Variants in NOL10 observed in about 807,000 individuals in gnomAD.
The protein encoded by NOL10 is nucleolar protein 10, also known as H_NH0074G24.1.
NOL10 carries 58 observed loss-of-function variants against 103.5 expected under a neutral mutation model. That is an observed-to-expected ratio of 0.56 (90% CI 0.45 to 0.70). The LOEUF is 0.70. Ranked by LOEUF, NOL10 falls within the 30% of genes least tolerant of loss-of-function variation. The probability of loss-of-function intolerance (pLI) is 0.00; values close to 1 mark genes in which losing one functional copy is unlikely to be tolerated. For missense variants in NOL10, 763 were observed against 807.3 expected (o/e 0.95, Z 0.67); for synonymous variants, 287 against 282.5 (o/e 1.02, Z -0.16).
chr2:10,608,562 T>G (rs1468554100), intron 13 of NOL10, among the ~76,000 whole-genome samples: 1 of 152,150 alleles, frequency 6.6e-6, no homozygotes, highest in African/African-American at 2.4e-5. Flanking sequence ...GAACTTCCAG[T>G]GACGACTTAA....
chr2:10,673,550 G>C lies in NOL10; in HGVS notation c.297C>G (p.Thr99=). 2.5e-6 allele frequency: 4 copies of C among 1,591,692 alleles called. No individual in the cohort carries two copies. Among genetic ancestry groups the C allele is most frequent in the Non-Finnish European group, 3.4e-6 (4 of 1,166,938 alleles). Residue 99 remains threonine (T), a synonymous_variant, in exon 5 of 21, where the codon ACC becomes ACG. Coordinates refer to ENST00000381685, the MANE Select transcript of NOL10 (RefSeq NM_024894.4). The part of the protein sequence containing the change: ...FERCLDSEVV[T]FEILSDDYSK... ...AGTAGTCATCAGACAAAATTTCAAAGGTGACAACTGAAAAACAAGAAATAG... is the reference window on the plus strand; with the variant it reads ...AGTAGTCATCAGACAAAATTTCAAACGTGACAACTGAAAAACAAGAAATAG...
intron 4 of NOL10, among the ~76,000 whole-genome samples, chr2:10,674,156 T>G (rs1681135752): frequency 6.6e-6 from 1 of 151,734 alleles, no homozygotes; most frequent in Non-Finnish European, 1.5e-5. Flanking sequence ...TAGTTGAGGC[T>G]GCAGTGAGCT....
intron 8 of NOL10, among the ~76,000 whole-genome samples, chr2:10,664,585 A>T (rs565498861): frequency 6.6e-6 from 1 of 152,354 alleles, no homozygotes; most frequent in African/African-American, 2.4e-5. Context: ...TCAGTCGCCC[A>T]GCTGGAGTGC....
At chr2:10,638,987 G>T (rs1385916674) in intron 13 of NOL10, among the ~76,000 whole-genome samples, 1 of 151,136 alleles carries the variant, frequency 6.6e-6, no homozygotes, top group Non-Finnish European at 1.5e-5. Flanking sequence ...ACTTTCAGTA[G>T]AGATGGGGTT....
chr2:10,598,521 G>A (rs1245729992), intron 17 of NOL10, among the ~76,000 whole-genome samples: 1 of 152,324 alleles, frequency 6.6e-6, no homozygotes, highest in Middle Eastern at 3.4e-3. Context: ...AGGGGACCAC[G>A]TAATGGTGAA....
intron 16 of NOL10, among the ~76,000 whole-genome samples, chr2:10,601,889 C>CT (rs924325652): frequency 1.1e-4 from 17 of 152,304 alleles, no homozygotes; most frequent in African/African-American, 4.1e-4. Context: ...AGTCACTAGT[C>CT]TTTTATAGTG....
At position 10,674,646 on chromosome 2, in the gene NOL10, T is replaced by A. The variant is rs576254850; in HGVS notation, c.290-1089A>T. ...CGAGGTCAGGAGTTCGAGACCAGCC[T>A]GACCAACATGGTGAAACCCATCTCT... On this transcript the variant is annotated intron_variant, in intron 4 of 20. Coordinates refer to ENST00000381685, the MANE Select transcript of NOL10 (RefSeq NM_024894.4). Among the ~76,000 whole-genome samples the A allele has an allele frequency of 4.5e-3, 689 of 152,070 alleles. 2 individuals carry two copies. Among genetic ancestry groups the A allele is most frequent in the African/African-American group, 0.016 (661 of 41,484 alleles).
At chr2:10,615,390 A>G (rs1553301666) in intron 13 of NOL10, among the ~76,000 whole-genome samples, 1 of 152,244 alleles carries the variant, frequency 6.6e-6, no homozygotes, top group Non-Finnish European at 1.5e-5. Context: ...TCTCACTAAT[A>G]GCCCATCAAG....
At chr2:10,609,314 G>A (rs965393175) in intron 13 of NOL10, among the ~76,000 whole-genome samples, 2 of 151,810 alleles carry the variant, frequency 1.3e-5, no homozygotes, top group South Asian at 2.1e-4. Context: ...ATGGCCGGGC[G>A]CGGTGGCTCA....
At chr2:10,593,307 T>A (rs983816232) in intron 17 of NOL10, among the ~76,000 whole-genome samples, 2 of 152,044 alleles carry the variant, frequency 1.3e-5, no homozygotes, top group African/African-American at 4.8e-5. Flanking sequence ...GGCCGGCTAA[T>A]TTTTGTGTTT....
At chr2:10,579,687 C>T (rs1674652124) in intron 19 of NOL10, among the ~76,000 whole-genome samples, 3 of 151,676 alleles carry the variant, frequency 2.0e-5, no homozygotes, top group African/African-American at 7.3e-5. Flanking sequence ...CTTTTCATAG[C>T]TATAAACTCT....
At chr2:10,603,707 G>A (rs888921187) in intron 14 of NOL10, among the ~76,000 whole-genome samples, 1 of 152,146 alleles carries the variant, frequency 6.6e-6, no homozygotes, top group African/African-American at 2.4e-5. Context: ...CTAATGAAAA[G>A]TCCACTGCCA....
intron 6 of NOL10, among the ~76,000 whole-genome samples, chr2:10,669,455 ATTTT>A (rs1242913554): frequency 2.2e-5 from 3 of 136,210 alleles, no homozygotes; most frequent in African/African-American, 8.8e-5. Flanking sequence ...ATATATATAT[ATTTT>A]TATTTTTTAT....
chr2:10,634,557 G>A (rs1212160200), intron 13 of NOL10: 2 of 456,628 alleles, frequency 4.4e-6, no homozygotes, highest in East Asian at 1.4e-4. Context: ...TCAGAGGGAA[G>A]GCTGGAGAGG....
chr2:10,582,718 G>C lies in NOL10; in HGVS notation c.1845-4980C>G, dbSNP rs1236313226. Among the ~76,000 whole-genome samples, 3 of 152,194 alleles carry C rather than the reference G, an allele frequency of 2.0e-5. No individual in the cohort carries two copies. In the East Asian group the frequency reaches 5.8e-4, roughly 29 times the overall value. On this transcript the variant is annotated intron_variant, in intron 19 of 20. Coordinates refer to ENST00000381685, the MANE Select transcript of NOL10 (RefSeq NM_024894.4). ...CTGAGGCTCTCCTTACCTGGTACTC[G>C]GGCCCACTGCCACCCAGTTCCTTAC...
chr2:10,580,692 G>A (rs1674701064), intron 19 of NOL10, among the ~76,000 whole-genome samples: 1 of 99,382 alleles, frequency 1.0e-5, no homozygotes, highest in Non-Finnish European at 2.0e-5. Context: ...ATATTTAGAT[G>A]CACCAGGGAG....
In NOL10 at chr2:10,641,137, A is replaced by G. The variant is rs1222604676; in HGVS notation, c.1026+3183T>C. On this transcript the variant is annotated intron_variant, in intron 13 of 20. Coordinates refer to ENST00000381685, the MANE Select transcript of NOL10 (RefSeq NM_024894.4). ...GGAGTTTGAGATCAGCCTGACCAAC[A>G]TGGTGAAACCCCATCTCTACTAAAA... is the stretch of plus-strand genomic sequence containing the variant. 2.0e-5 allele frequency among the ~76,000 whole-genome samples: 3 copies of G among 150,856 alleles called. No homozygotes were observed. The South Asian group carries it at 6.3e-4, about 32-fold the overall frequency.
intron 2 of NOL10, among the ~76,000 whole-genome samples, chr2:10,683,209 T>G (rs1253911390): frequency 1.3e-5 from 2 of 152,142 alleles, no homozygotes; most frequent in African/African-American, 4.8e-5. Flanking sequence ...TTAAACAAAA[T>G]ATATGGGAAA....
chr2:10,610,214 G>A (rs1393052973), intron 13 of NOL10, among the ~76,000 whole-genome samples: 3 of 152,088 alleles, frequency 2.0e-5, no homozygotes, highest in African/African-American at 7.2e-5. Flanking sequence ...TCATAAACAT[G>A]GGCTTCAAAG....
Sources: gnomAD v4.1 joint callset for allele counts (sites outside exome capture counted in the v4.1 genomes callset) on GRCh38, gnomAD v4.1.1 for gene constraint, MANE v1.5 for transcripts, NCBI Gene and HGNC (gene_info 2026-07-23, HGNC 2026-07-21) for gene names.